The following PM20D1 variants were observed in gnomAD, a reference collection of about 807,000 sequenced individuals.
PM20D1 encodes the protein N-fatty-acyl-amino acid synthase/hydrolase PM20D1.
In PM20D1, 53 loss-of-function variants were observed where a neutral mutation model predicts 53.8. That is an observed-to-expected ratio of 0.98 (90% CI 0.79 to 1.24). The LOEUF is 1.24. PM20D1 is among the 50% of genes most tolerant of loss of function. The pLI, the probability that PM20D1 is intolerant of heterozygous loss-of-function variation, is 0.00. For synonymous variants in PM20D1, 239 were observed against 241.3 expected, an observed-to-expected ratio of 0.99 and a Z score of 0.09; for missense variants, 564 against 616.8, an observed-to-expected ratio of 0.91 and a Z score of 0.91.
intron 12 of PM20D1, 118 bp from the exon 13 acceptor site, chr1:205,828,861 G>C: frequency 7.3e-7 from 1 of 1,362,622 alleles, no homozygotes; most frequent in Non-Finnish European, 9.9e-7. Flanking sequence ...TGGCCCTCCA[G>C]GGCTAGGAAA....
chr1:205,843,608 G>T, intron 6 of PM20D1, 59 bp downstream of exon 6: 1 of 1,561,290 alleles, frequency 6.4e-7, no homozygotes, highest in Non-Finnish European at 8.6e-7. Flanking sequence ...TTTAAAGTGG[G>T]AAAGTGCCAG....
rs116474384 is a variant in PM20D1, at chr1:205,844,684, C to T, written c.576+127G>A. On this transcript the variant is annotated intron_variant, in intron 4 of 12. Coordinates refer to ENST00000367136, the MANE Select transcript of PM20D1 (RefSeq NM_152491.5). ...TAGATAGTCCTGGCATACAGACACACGGAGAAGTTGGCAAACTACCGTATC... is the reference window on the plus strand; with the variant it reads ...TAGATAGTCCTGGCATACAGACACATGGAGAAGTTGGCAAACTACCGTATC... 4,301 of 769,694 alleles carry T rather than the reference C, an allele frequency of 5.6e-3. 32 individuals carry two copies. Among genetic ancestry groups the T allele is most frequent in the Middle Eastern group, 0.026 (77 of 2,954 alleles). 47.7% of individuals were successfully genotyped at this position (769,694 alleles called of 1,614,324 possible).
At chr1:205,849,637 C>T (rs984071744) in intron 1 of PM20D1, among the ~76,000 whole-genome samples, 8 of 152,148 alleles carry the variant, frequency 5.3e-5, no homozygotes, top group Admixed American at 3.3e-4. Flanking sequence ...AAAGAATGGA[C>T]GGTGGTCACG....
intron 7 of PM20D1, 140 bp from the exon 8 acceptor site, chr1:205,842,355 C>T (rs1203146913): frequency 3.9e-6 from 3 of 771,802 alleles, no homozygotes; most frequent in Non-Finnish European, 4.4e-6. Flanking sequence ...TAGCTCAATC[C>T]CTGCTAGAGG....
intron 12 of PM20D1, among the ~76,000 whole-genome samples, chr1:205,828,985 A>G (rs1656500995): frequency 1.3e-5 from 2 of 152,182 alleles, no homozygotes. Context: ...GGGGAGTCCA[A>G]AATAATCTCC....
chr1:205,828,683 G>C lies in PM20D1; in HGVS notation c.1446C>G (p.Ile482Met). The change falls in exon 13 of 13, where the codon ATC (isoleucine) becomes ATG (methionine). Residue 482 changes from isoleucine (I) to methionine (M), a missense_variant. Coordinates refer to ENST00000367136, the MANE Select transcript of PM20D1 (RefSeq NM_152491.5). ...VQAYETQVKF[I>M]FELIQNADTD... is the part of the protein sequence containing the mutation. ...TGTCAGCATTCTGAATCAACTCAAAGATGAATTTCACTTGGGTCTCATAGG... is the reference window on the plus strand; with the variant it reads ...TGTCAGCATTCTGAATCAACTCAAACATGAATTTCACTTGGGTCTCATAGG... The C allele has an allele frequency of 6.2e-7, 1 of 1,614,174 alleles. No individual in the cohort carries two copies.
Position 205,828,514 on chromosome 1 carries a change from G to A in PM20D1, c.*106C>T. ...AGAGTGAGCAAGACAGATGGGCAAT[G>A]TTTTACAATGTGGTTTTGATCAAAA... On this transcript the variant is annotated 3_prime_UTR_variant, in exon 13 of 13. Coordinates refer to ENST00000367136, the MANE Select transcript of PM20D1 (RefSeq NM_152491.5). The A allele has an allele frequency of 6.8e-7, 1 of 1,469,202 alleles. No homozygotes were observed. The highest frequency in any genetic ancestry group is 9.2e-7 in the Non-Finnish European group (1 of 1,089,314). The allele number at this position is 1,469,202 out of a possible 1,614,324, so 91.0% of individuals were successfully genotyped here. A position where few individuals can be genotyped will look rare whatever the true frequency, so the allele number is the denominator to read the frequency against.
At chr1:205,832,340 T>A (rs1288983632) in intron 11 of PM20D1, among the ~76,000 whole-genome samples, 1 of 152,070 alleles carries the variant, frequency 6.6e-6, no homozygotes, top group East Asian at 1.9e-4. Flanking sequence ...AAGCCAATTC[T>A]CCCCTCTATG....
intron 5 of PM20D1, 41 bp downstream of exon 5, chr1:205,844,046 G>C (rs1656882520): frequency 6.3e-7 from 1 of 1,577,462 alleles, no homozygotes; most frequent in Non-Finnish European, 8.6e-7. Flanking sequence ...CAAATGGGGT[G>C]AGAATTCCCT....
chr1:205,846,385 CA>C (rs373894661), intron 2 of PM20D1, among the ~76,000 whole-genome samples: 17 of 145,230 alleles, frequency 1.2e-4, no homozygotes, highest in Admixed American at 2.8e-4. Flanking sequence ...GACTCCAACT[CA>C]AAAAAAAAAG....
chr1:205,841,659 C>G (rs1248254417), intron 9 of PM20D1, 152 bp downstream of exon 9: 1 of 765,744 alleles, frequency 1.3e-6, no homozygotes, highest in East Asian at 2.7e-5. Flanking sequence ...TAACTCCCTT[C>G]AAGATTTCAG....
intron 12 of PM20D1, among the ~76,000 whole-genome samples, chr1:205,829,235 C>CTCATAATGAG (rs1313049351): frequency 6.6e-6 from 1 of 152,066 alleles, no homozygotes; most frequent in Non-Finnish European, 1.5e-5. Flanking sequence ...CATTATGTTG[C>CTCATAATGAG]CCAGGCTGGT....
chr1:205,831,000 A>G (rs1278843135), intron 11 of PM20D1, among the ~76,000 whole-genome samples: 1 of 152,202 alleles, frequency 6.6e-6, no homozygotes, highest in Non-Finnish European at 1.5e-5. Flanking sequence ...TTACTACTAT[A>G]AAATATCACC....
chr1:205,842,621 T>C lies in PM20D1; in HGVS notation c.903+55A>G, dbSNP rs183732766. 7.6e-5 allele frequency: 119 copies of C among 1,567,916 alleles called. 1 individual carries two copies. In the East Asian group the frequency reaches 2.4e-3, roughly 31 times the overall value. ...CTTTTCTTACTCTAAAGGTTACTTTTCTGTCCGTCTTTTGTTCCTAGCTGA... is the reference window on the plus strand; with the variant it reads ...CTTTTCTTACTCTAAAGGTTACTTTCCTGTCCGTCTTTTGTTCCTAGCTGA... On this transcript the variant is annotated intron_variant, in intron 7 of 12. Transcript: ENST00000367136.
At chr1:205,833,549 G>A (rs1207609596) in intron 10 of PM20D1, among the ~76,000 whole-genome samples, 1 of 152,118 alleles carries the variant, frequency 6.6e-6, no homozygotes, top group Admixed American at 6.5e-5. Flanking sequence ...TCTTTGCTTC[G>A]TTTCCTTGGG....
chr1:205,841,847 G>T lies in PM20D1; in HGVS notation c.1008C>A (p.Thr336=). 1 of 1,569,504 alleles carries T rather than the reference G, an allele frequency of 6.4e-7. No homozygotes were observed. The highest frequency in any genetic ancestry group is 8.7e-7 in the Non-Finnish European group (1 of 1,154,462). The change falls in exon 9 of 13, where the codon ACC becomes ACA. Residue 336 remains threonine (T), a synonymous_variant. Coordinates refer to ENST00000367136, the MANE Select transcript of PM20D1 (RefSeq NM_152491.5). ...CTTTGAATATGGTGAGTGCCGTGGT[G>T]GTCCTGATTATTGCATTGGTTAAGG... ...RNPLTNAIIR[T]TTALTIFKAG...
chr1:205,842,775 A>C, intron 6 of PM20D1, 24 bp from the exon 7 acceptor site: 1 of 1,610,652 alleles, frequency 6.2e-7, no homozygotes, highest in South Asian at 1.1e-5. Context: ...AGAGTCCTCA[A>C]GACTTAGCGA....
At chr1:205,836,635 G>A (rs1656693089) in intron 10 of PM20D1, among the ~76,000 whole-genome samples, 1 of 152,120 alleles carries the variant, frequency 6.6e-6, no homozygotes, top group Non-Finnish European at 1.5e-5. Flanking sequence ...AGCCTCCTGT[G>A]AGTAGCTGGG....
At chr1:205,845,993 G>A (rs191781125) in intron 2 of PM20D1, among the ~76,000 whole-genome samples, 72 of 151,448 alleles carry the variant, frequency 4.8e-4, no homozygotes, top group African/African-American at 1.7e-3. Flanking sequence ...TGAGACAGGA[G>A]AATCGCTTGA....
Sources: gnomAD v4.1 joint callset for allele counts (sites outside exome capture counted in the v4.1 genomes callset) on GRCh38, gnomAD v4.1.1 for gene constraint, MANE v1.5 for transcripts, NCBI Gene and HGNC (gene_info 2026-07-23, HGNC 2026-07-21) for gene names.